The following LRMDA variants were observed in gnomAD, a reference collection of about 807,000 sequenced individuals.
LRMDA encodes leucine rich melanocyte differentiation associated.
A neutral mutation model predicts 29.8 loss-of-function variants in LRMDA; 18 were observed. The ratio of observed to expected loss-of-function variants is 0.60; its 90% CI spans 0.42 to 0.90. The LOEUF (loss-of-function observed/expected upper bound fraction) is 0.90, where lower values mean the gene tolerates loss of function less well. Among genes scored for constraint, LRMDA ranks in the 40% least tolerant of loss-of-function variants. LRMDA has a pLI of 0.00. For missense variants in LRMDA, 273 were observed against 273.9 expected (o/e 1.00, Z 0.02); for synonymous variants, 125 against 109.4 (o/e 1.14, Z -0.89).
chr10:75,845,097 G>A (rs980604282), intron 2 of LRMDA, among the ~76,000 whole-genome samples: 7 of 151,846 alleles, frequency 4.6e-5, no homozygotes, highest in African/African-American at 1.7e-4. Flanking sequence ...ACTTAAATGT[G>A]TAAATATGAT....
At chr10:76,554,900 G>A (rs907639001) in intron 6 of LRMDA, among the ~76,000 whole-genome samples, 1 of 151,384 alleles carries the variant, frequency 6.6e-6, no homozygotes, top group Admixed American at 6.6e-5. Context: ...TGTGTGTGGT[G>A]TGTGTGTGTG....
intron 2 of LRMDA, among the ~76,000 whole-genome samples, chr10:75,896,389 C>A (rs1845582439): frequency 6.6e-6 from 1 of 152,110 alleles, no homozygotes; most frequent in African/African-American, 2.4e-5. Context: ...ACTTAGCACA[C>A]TCAGTTGTTT....
chr10:75,548,697 T>G (rs1340033418), intron 2 of LRMDA, among the ~76,000 whole-genome samples: 1 of 152,132 alleles, frequency 6.6e-6, no homozygotes, highest in Non-Finnish European at 1.5e-5. Flanking sequence ...TTCCTTCATG[T>G]TATTGAAATA....
At chr10:76,041,922 T>G (rs1443336066) in intron 3 of LRMDA, among the ~76,000 whole-genome samples, 1 of 152,144 alleles carries the variant, frequency 6.6e-6, no homozygotes, top group African/African-American at 2.4e-5. Flanking sequence ...TTAAAAAAGG[T>G]ACCCTTAGGA....
At chr10:75,663,626 C>G (rs1016526750) in intron 2 of LRMDA, among the ~76,000 whole-genome samples, 4 of 152,162 alleles carry the variant, frequency 2.6e-5, no homozygotes, top group South Asian at 4.1e-4. Flanking sequence ...TACCCACAGT[C>G]TACAGAGAAG....
At chr10:76,137,788 AAAC>A (rs1323168791) in intron 5 of LRMDA, among the ~76,000 whole-genome samples, 272 of 112,778 alleles carry the variant, frequency 2.4e-3, no homozygotes, top group African/African-American at 8.8e-3. Flanking sequence ...AAAAAAAAAC[AAAC>A]AAAAAACCCT....
intron 5 of LRMDA, among the ~76,000 whole-genome samples, chr10:76,147,388 T>G (rs1387568202): frequency 6.6e-6 from 1 of 152,060 alleles, no homozygotes; most frequent in Non-Finnish European, 1.5e-5. Context: ...TCATTTCTTT[T>G]TATTCTTTTT....
chr10:75,609,397 G>A (rs1840999973), intron 2 of LRMDA, among the ~76,000 whole-genome samples: 1 of 152,148 alleles, frequency 6.6e-6, no homozygotes, highest in Non-Finnish European at 1.5e-5. Context: ...TGACGTTTAA[G>A]AAATAATCAC....
At chr10:76,412,486 C>G (rs1412143945) in intron 6 of LRMDA, among the ~76,000 whole-genome samples, 1 of 152,114 alleles carries the variant, frequency 6.6e-6, no homozygotes, top group Non-Finnish European at 1.5e-5. Context: ...TATTCAACAT[C>G]TTGTGGTGAG....
intron 5 of LRMDA, among the ~76,000 whole-genome samples, chr10:76,292,632 A>G (rs562413649): frequency 6.6e-6 from 1 of 152,210 alleles, no homozygotes; most frequent in Admixed American, 6.5e-5. Context: ...TTCCATTTTT[A>G]TCAACTAATG....
chr10:76,457,493 T>C (rs1175700424), intron 6 of LRMDA, among the ~76,000 whole-genome samples: 1 of 137,390 alleles, frequency 7.3e-6, no homozygotes, highest in Non-Finnish European at 1.6e-5. Context: ...TTTAGTGCTA[T>C]GCTTTTCATG....
At chr10:75,954,670 G>C (rs1341534489) in intron 2 of LRMDA, among the ~76,000 whole-genome samples, 1 of 152,198 alleles carries the variant, frequency 6.6e-6, no homozygotes. Context: ...AAGATTCTAA[G>C]TCTAGTTATT....
intron 6 of LRMDA, among the ~76,000 whole-genome samples, chr10:76,522,795 G>C (rs1301806645): frequency 6.6e-6 from 1 of 152,148 alleles, no homozygotes; most frequent in East Asian, 1.9e-4. Flanking sequence ...GCAACTCCTG[G>C]GCAGGGACAA....
intron 2 of LRMDA, among the ~76,000 whole-genome samples, chr10:75,964,627 G>A (rs1301753869): frequency 6.6e-6 from 1 of 152,182 alleles, no homozygotes; most frequent in African/African-American, 2.4e-5. Flanking sequence ...CTCTGCAGAA[G>A]GCGTTACCCC....
intron 5 of LRMDA, among the ~76,000 whole-genome samples, chr10:76,244,473 T>A (rs1386950059): frequency 6.6e-6 from 1 of 152,180 alleles, no homozygotes; most frequent in Non-Finnish European, 1.5e-5. Flanking sequence ...GTACAGCTGG[T>A]GTTTTTGCGG....
intron 5 of LRMDA, among the ~76,000 whole-genome samples, chr10:76,174,841 CG>C (rs1850903317): frequency 6.6e-6 from 1 of 152,138 alleles, no homozygotes; most frequent in African/African-American, 2.4e-5. Flanking sequence ...GGATTAAGGC[CG>C]GGTGCGGTGG....
rs1273106415 is a variant in LRMDA, at chr10:76,365,069, T to C, written c.601+40584T>C. ...GCTGCATAGTATTCCATCGTATATA[T>C]ATACACACACACACACATATATATA... On this transcript the variant is annotated intron_variant, in intron 6 of 6. Coordinates refer to ENST00000611255, the MANE Select transcript of LRMDA (RefSeq NM_001305581.2). 2.2e-3 allele frequency among the ~76,000 whole-genome samples: 120 copies of C among 53,972 alleles called. 1 individual carries two copies. Among genetic ancestry groups the C allele is most frequent in the Middle Eastern group, 0.012 (1 of 86 alleles). The allele number at this position is 53,972 out of a possible 152,430, so 35.4% of individuals were successfully genotyped here. A position where few individuals can be genotyped will look rare whatever the true frequency, so the allele number is the denominator to read the frequency against.
intron 1 of LRMDA, among the ~76,000 whole-genome samples, chr10:75,436,982 C>T (rs529329827): frequency 1.3e-5 from 2 of 152,296 alleles, no homozygotes; most frequent in East Asian, 1.9e-4. Context: ...ATTTTTTAGC[C>T]TATATCTTCT....
intron 6 of LRMDA, among the ~76,000 whole-genome samples, chr10:76,424,373 C>CA (rs998369729): frequency 5.8e-4 from 88 of 151,138 alleles, no homozygotes; most frequent in African/African-American, 1.6e-3. Flanking sequence ...ACTAAAAATA[C>CA]AAAAAAAACA....
Sources: gnomAD v4.1 joint callset for allele counts (sites outside exome capture counted in the v4.1 genomes callset) on GRCh38, gnomAD v4.1.1 for gene constraint, MANE v1.5 for transcripts, NCBI Gene and HGNC (gene_info 2026-07-23, HGNC 2026-07-21) for gene names.